Variants in PLCH1 observed in about 807,000 individuals in gnomAD.
The protein encoded by PLCH1 is 1-phosphatidylinositol 4,5-bisphosphate phosphodiesterase eta-1.
A neutral mutation model predicts 126.7 loss-of-function variants in PLCH1; 60 were observed. The observed-to-expected ratio is 0.47, with a 90% CI of 0.38 to 0.59. The LOEUF is 0.59. Ranked by LOEUF, PLCH1 falls within the 20% of genes least tolerant of loss-of-function variation. The pLI is 0.00. For synonymous variants in PLCH1, 719 were observed against 734.9 expected (o/e 0.98, Z 0.35); for missense variants, 1,723 against 2,040.0 (o/e 0.84, Z 2.99).
chr3:155,667,436 T>C (rs1344514193), intron 2 of PLCH1, among the ~76,000 whole-genome samples: 2 of 151,998 alleles, frequency 1.3e-5, no homozygotes, highest in Non-Finnish European at 2.9e-5. Flanking sequence ...ATTGAGTATA[T>C]GAGAAATTAA....
chr3:155,494,365 G>C lies in PLCH1; in HGVS notation c.2047C>G (p.Pro683Ala). The change falls in exon 16 of 23, where the codon CCC (proline) becomes GCC (alanine). Residue 683 changes from proline to alanine, a missense_variant. Around this residue, in one of 2 missense-constraint regions of PLCH1, gnomAD observed 776 missense variants for 1,062.9 expected, o/e 0.73. Transcript: ENST00000460012. The stretch of plus-strand genomic sequence containing the variant: ...AGCTGGCAGCCTGCGTTCCAGTAGG[G>C]GAGAGGGTTGAAGTTACTGGAATCA... ...RIDSSNFNPL[P>A]YWNAGCQLVA... 1 of 1,614,152 alleles carries C rather than the reference G, an allele frequency of 6.2e-7. No homozygotes were observed. Among genetic ancestry groups the C allele is most frequent in the East Asian group, 2.2e-5 (1 of 44,886 alleles).
At chr3:155,453,195 A>AG (rs559319779) in intron 21 of PLCH1, among the ~76,000 whole-genome samples, 72 of 152,350 alleles carry the variant, frequency 4.7e-4, no homozygotes, top group Non-Finnish European at 8.8e-4. Context: ...AGACCATGAA[A>AG]GACAAAGGCT....
At chr3:155,688,920 A>G (rs7617369) in intron 2 of PLCH1, among the ~76,000 whole-genome samples, 7,157 of 152,234 alleles carry the variant, frequency 0.047, 231 homozygotes, top group Middle Eastern at 0.11. Context: ...TTTTACTTCA[A>G]TCCCTGGCTC....
At chr3:155,708,203 A>G (rs1262857587) in intron 1 of PLCH1, among the ~76,000 whole-genome samples, 1 of 152,228 alleles carries the variant, frequency 6.6e-6, no homozygotes, top group Non-Finnish European at 1.5e-5. Flanking sequence ...TTCAGGCATC[A>G]GCAGGAGACT....
intron 10 of PLCH1, among the ~76,000 whole-genome samples, chr3:155,533,584 G>A (rs1722969164): frequency 6.6e-6 from 1 of 152,208 alleles, no homozygotes; most frequent in Admixed American, 6.5e-5. Flanking sequence ...CCATTTTCTG[G>A]GGAGAAATTC....
intron 2 of PLCH1, among the ~76,000 whole-genome samples, chr3:155,645,515 T>C (rs1408053773): frequency 2.6e-5 from 4 of 152,200 alleles, no homozygotes; most frequent in Non-Finnish European, 4.4e-5. Context: ...CTTGCTCTGT[T>C]GCCTAGGCTA....
chr3:155,456,517 C>T (rs1712446552), intron 21 of PLCH1, among the ~76,000 whole-genome samples: 1 of 152,172 alleles, frequency 6.6e-6, no homozygotes, highest in African/African-American at 2.4e-5. Flanking sequence ...TGGGCAACCT[C>T]ACTTGATCCC....
chr3:155,667,972 C>A (rs1437130869), intron 2 of PLCH1, among the ~76,000 whole-genome samples: 18 of 148,024 alleles, frequency 1.2e-4, no homozygotes, highest in Admixed American at 4.0e-4. Flanking sequence ...GTAATCCCAG[C>A]TACTCAGGAG....
intron 10 of PLCH1, among the ~76,000 whole-genome samples, chr3:155,547,475 A>T: frequency 7.1e-6 from 1 of 140,646 alleles, no homozygotes; most frequent in East Asian, 2.2e-4. Flanking sequence ...TGTGGAAGTC[A>T]GTGTGGCGAT....
At chr3:155,622,160 T>C (rs1263720276) in intron 2 of PLCH1, among the ~76,000 whole-genome samples, 2 of 152,172 alleles carry the variant, frequency 1.3e-5, no homozygotes, top group Non-Finnish European at 2.9e-5. Flanking sequence ...CCAGCCAAAC[T>C]AAGCTTCATA....
intron 3 of PLCH1, among the ~76,000 whole-genome samples, chr3:155,595,588 G>C (rs1732880294): frequency 6.6e-6 from 1 of 152,138 alleles, no homozygotes; most frequent in South Asian, 2.1e-4. Context: ...CAGGCCTTTG[G>C]ACTCAAACTG....
intron 1 of PLCH1, among the ~76,000 whole-genome samples, chr3:155,723,680 G>C (rs1329265010): frequency 2.0e-5 from 3 of 152,092 alleles, no homozygotes; most frequent in African/African-American, 7.2e-5. Flanking sequence ...CTTGGACCAA[G>C]CATGGTGGCT....
At chr3:155,716,661 C>G (rs1356825586) in intron 1 of PLCH1, among the ~76,000 whole-genome samples, 1 of 152,174 alleles carries the variant, frequency 6.6e-6, no homozygotes, top group Non-Finnish European at 1.5e-5. Context: ...AGCACCAAGG[C>G]ATGACAGCAC....
At chr3:155,674,838 A>C (rs1375832374) in intron 2 of PLCH1, among the ~76,000 whole-genome samples, 10 of 152,220 alleles carry the variant, frequency 6.6e-5, no homozygotes, top group African/African-American at 2.2e-4. Context: ...TGGTAAAGGT[A>C]ATAGAAGTCA....
At chr3:155,741,684 C>CTTTTATTTTTTTTTTATT in intron 1 of PLCH1, among the ~76,000 whole-genome samples, 1 of 102,868 alleles carries the variant, frequency 9.7e-6, no homozygotes, top group Non-Finnish European at 1.7e-5. Context: ...TTTATATCCT[C>CTTTTATTTTTTTTTTATT]TTTTTTTTTT....
intron 2 of PLCH1, among the ~76,000 whole-genome samples, chr3:155,688,000 T>C (rs1399632166): frequency 1.3e-5 from 2 of 152,214 alleles, no homozygotes; most frequent in Non-Finnish European, 2.9e-5. Context: ...ATCTAAATGC[T>C]ACATGGATTA....
intron 1 of PLCH1, among the ~76,000 whole-genome samples, chr3:155,726,871 CTTTTTTCTTTTTTTTT>C (rs2109157412): frequency 7.0e-6 from 1 of 143,144 alleles, no homozygotes; most frequent in Non-Finnish European, 1.5e-5. Flanking sequence ...AATTTTTTTT[CTTTTTTCTTTTTTTTT>C]TTTTTTGTAT....
chr3:155,498,435 A>G (rs1390636502), intron 14 of PLCH1, among the ~76,000 whole-genome samples: 3 of 152,188 alleles, frequency 2.0e-5, no homozygotes, highest in African/African-American at 7.2e-5. Flanking sequence ...GGTTTTATTC[A>G]CTGCTCTGCC....
downstream of PLCH1, among the ~76,000 whole-genome samples, chr3:155,478,886 A>AG (rs1713664834): frequency 6.6e-6 from 1 of 152,112 alleles, no homozygotes; most frequent in South Asian, 2.1e-4. Flanking sequence ...TTCTTTTGGG[A>AG]GGGGGGTACA....
Sources: gnomAD v4.1 joint callset for allele counts (sites outside exome capture counted in the v4.1 genomes callset) on GRCh38, gnomAD v4.1.1 for gene constraint, gnomAD v4.1.1 regional missense constraint, MANE v1.5 for transcripts, NCBI Gene and HGNC (gene_info 2026-07-23, HGNC 2026-07-21) for gene names.